Variants in GRID2 observed in about 807,000 individuals in gnomAD.
The protein encoded by GRID2 is glutamate receptor ionotropic, delta-2.
Under a neutral mutation model 114.8 loss-of-function variants are expected in GRID2, and 33 were observed. That is an observed-to-expected ratio of 0.29 (90% confidence interval 0.22 to 0.38). The LOEUF is 0.38. Among genes scored for constraint, GRID2 ranks in the 10% least tolerant of loss-of-function variants. The pLI is 1.00. For synonymous variants in GRID2, 505 were observed against 449.9 expected, an observed-to-expected ratio of 1.12 and a Z score of -1.55; for missense variants, 1,184 against 1,257.7, an observed-to-expected ratio of 0.94 and a Z score of 0.89.
rs561439860 is a variant in GRID2, at chr4:93,774,094, G to T, written c.*1596G>T. The T allele has an allele frequency of 2.6e-5, 4 of 152,168 alleles. No individual in the cohort carries two copies. The South Asian group carries it at 6.2e-4, about 24-fold the overall frequency. 9.4% of individuals were successfully genotyped at this position (152,168 alleles called of 1,614,324 possible). ...TCAACCTATGTGATTTGCTTTAGGAGAAATTAAAAGGTATATTCTTAAGAT... is the reference window on the plus strand; with the variant it reads ...TCAACCTATGTGATTTGCTTTAGGATAAATTAAAAGGTATATTCTTAAGAT... On this transcript the variant is annotated 3_prime_UTR_variant, in exon 16 of 16. Transcript: ENST00000282020.
At chr4:92,354,376 G>A (rs1228194460) in intron 1 of GRID2, among the ~76,000 whole-genome samples, 1 of 151,866 alleles carries the variant, frequency 6.6e-6, no homozygotes. Flanking sequence ...TTTCTGTGGG[G>A]TACATGAGCT....
intron 2 of GRID2, among the ~76,000 whole-genome samples, chr4:92,872,950 C>T (rs1242612960): frequency 6.6e-6 from 1 of 152,152 alleles, no homozygotes; most frequent in Non-Finnish European, 1.5e-5. Flanking sequence ...ATCTTAGAGG[C>T]CTTTCTAGAA....
At chr4:93,637,719 G>C (rs190149627) in intron 14 of GRID2, among the ~76,000 whole-genome samples, 1 of 152,118 alleles carries the variant, frequency 6.6e-6, no homozygotes, top group Admixed American at 6.6e-5. Context: ...GCTATGGGAC[G>C]ATACTGAAAT....
chr4:93,412,229 TC>T (rs572500641), intron 9 of GRID2, among the ~76,000 whole-genome samples: 4,139 of 101,820 alleles, frequency 0.041, 159 homozygotes, highest in African/African-American at 0.11. Flanking sequence ...GTAAGACCCA[TC>T]CCCCCCCCCC....
At chr4:92,344,394 T>C (rs928627473) in intron 1 of GRID2, among the ~76,000 whole-genome samples, 1 of 152,234 alleles carries the variant, frequency 6.6e-6, no homozygotes, top group Non-Finnish European at 1.5e-5. Flanking sequence ...GAGTTTTACA[T>C]GTATTGCATC....
At chr4:92,665,344 T>G (rs1192355090) in intron 2 of GRID2, among the ~76,000 whole-genome samples, 1 of 150,556 alleles carries the variant, frequency 6.6e-6, no homozygotes, top group Non-Finnish European at 1.5e-5. Flanking sequence ...TGTTCAGTAG[T>G]TCAGCTGTTG....
At chr4:92,600,501 T>G (rs1056111909) in intron 2 of GRID2, among the ~76,000 whole-genome samples, 1 of 152,178 alleles carries the variant, frequency 6.6e-6, no homozygotes, top group African/African-American at 2.4e-5. Flanking sequence ...GTTCAAAGTT[T>G]TATCTCTATA....
At chr4:93,455,109 G>A (rs746878878) in intron 10 of GRID2, among the ~76,000 whole-genome samples, 4 of 151,950 alleles carry the variant, frequency 2.6e-5, no homozygotes, top group Non-Finnish European at 4.4e-5. Context: ...TACAATCATA[G>A]TAGTGACCTT....
intron 1 of GRID2, among the ~76,000 whole-genome samples, chr4:92,583,670 T>TAC (rs962851650): frequency 3.4e-5 from 5 of 148,714 alleles, no homozygotes; most frequent in Non-Finnish European, 7.4e-5. Context: ...TATATATATA[T>TAC]ACACACACAT....
chr4:92,399,665 CTA>C (rs70940884), intron 1 of GRID2, among the ~76,000 whole-genome samples: 18,829 of 133,286 alleles, frequency 0.14, 1,201 homozygotes, highest in Non-Finnish European at 0.16. Context: ...CTCTCTCTCT[CTA>C]TATATATATA....
rs1279251074 is a variant in GRID2 at position 93,110,773 on chromosome 4, G to A, written c.555G>A (p.Leu185=). The A allele has an allele frequency of 8.1e-6, 13 of 1,612,186 alleles. No individual in the cohort carries two copies. Among genetic ancestry groups the A allele is most frequent in the Non-Finnish European group, 1.0e-5 (12 of 1,178,270 alleles). The change falls in exon 4 of 16, where the codon TTG becomes TTA. Residue 185 remains leucine, a synonymous_variant. Coordinates refer to ENST00000282020, the MANE Select transcript of GRID2 (RefSeq NM_001510.4). ...ATATCCGTGGAATACAGGAGTTCTT[G>A]GACAAAGTCTCTCAGCAGGGAATGG... is the stretch of plus-strand genomic sequence containing the variant. ...EYDIRGIQEF[L]DKVSQQGMDV...
chr4:92,743,963 CT>C (rs1201834308), intron 2 of GRID2, among the ~76,000 whole-genome samples: 1 of 152,110 alleles, frequency 6.6e-6, no homozygotes, highest in East Asian at 1.9e-4. Context: ...TGATATGATG[CT>C]CCTTAGTTCT....
chr4:92,744,487 C>CAAAAA (rs34643860), intron 2 of GRID2, among the ~76,000 whole-genome samples: 1 of 85,458 alleles, frequency 1.2e-5, no homozygotes. Flanking sequence ...TCCTCCATCT[C>CAAAAA]AAAAAAAAAA....
intron 8 of GRID2, among the ~76,000 whole-genome samples, chr4:93,382,362 A>C (rs1263468972): frequency 6.6e-6 from 1 of 151,980 alleles, no homozygotes; most frequent in East Asian, 1.9e-4. Context: ...TCCATAATGC[A>C]TCTGTTTGTC....
At chr4:92,764,953 A>G (rs1284540936) in intron 2 of GRID2, among the ~76,000 whole-genome samples, 2 of 152,208 alleles carry the variant, frequency 1.3e-5, no homozygotes, top group East Asian at 3.9e-4. Context: ...TTTTCATAAT[A>G]TATGTTGCTC....
intron 3 of GRID2, among the ~76,000 whole-genome samples, chr4:93,101,258 C>T (rs1731679493): frequency 6.6e-6 from 1 of 152,016 alleles, no homozygotes; most frequent in South Asian, 2.1e-4. Context: ...AAATATTTAT[C>T]TTTGCAATAG....
At chr4:92,726,035 G>C (rs973591633) in intron 2 of GRID2, among the ~76,000 whole-genome samples, 45 of 152,138 alleles carry the variant, frequency 3.0e-4, no homozygotes, top group African/African-American at 1.1e-3. Flanking sequence ...GCATGTTCTA[G>C]AAAAACAAGG....
At chr4:92,930,044 C>A (rs1007501115) in intron 2 of GRID2, among the ~76,000 whole-genome samples, 1 of 151,068 alleles carries the variant, frequency 6.6e-6, no homozygotes, top group Non-Finnish European at 1.5e-5. Flanking sequence ...CCTTGCCCAC[C>A]ACAGAAGAAG....
chr4:93,279,522 A>T (rs1325146234), intron 8 of GRID2, among the ~76,000 whole-genome samples: 1 of 151,870 alleles, frequency 6.6e-6, no homozygotes, highest in African/African-American at 2.4e-5. Context: ...TGAGATCTAG[A>T]AGTAATTTTA....
Sources: allele counts gnomAD v4.1 joint callset (sites outside exome capture counted in the v4.1 genomes callset), GRCh38; gene constraint gnomAD v4.1.1; transcripts MANE v1.5; gene names NCBI Gene and HGNC (gene_info 2026-07-23, HGNC 2026-07-21).